Variants in ANK3 observed in about 807,000 individuals in gnomAD.
ANK3 encodes the protein ankyrin 3.
In ANK3, 57 loss-of-function variants were observed where a neutral mutation model predicts 370.9. That is an observed-to-expected ratio of 0.15 (90% CI 0.12 to 0.19). The LOEUF (loss-of-function observed/expected upper bound fraction) is 0.19, where lower values mean the gene tolerates loss of function less well. ANK3 is among the 10% of genes least tolerant of loss of function. The pLI is 1.00. For missense variants in ANK3, 4,439 were observed against 5,302.1 expected (o/e 0.84, Z 5.06); for synonymous variants, 1,929 against 1,946.3 (o/e 0.99, Z 0.23).
intron 17 of ANK3, among the ~76,000 whole-genome samples, chr10:60,184,406 G>C (rs1372321086): frequency 6.6e-6 from 1 of 152,182 alleles, no homozygotes; most frequent in African/African-American, 2.4e-5. Flanking sequence ...ACGGAGAAAG[G>C]ATGCAAGGAT....
intron 23 of ANK3, chr10:60,144,135 T>A: frequency 2.5e-6 from 1 of 399,768 alleles, no homozygotes; most frequent in Non-Finnish European, 4.9e-6. Context: ...AAGACTCAGC[T>A]GAGCCCCGAT....
chr10:60,456,941 T>C (rs2064763255), intron 2 of ANK3, among the ~76,000 whole-genome samples: 1 of 152,170 alleles, frequency 6.6e-6, no homozygotes. Context: ...GCCTGGGCCA[T>C]GTGCTTAGTT....
In ANK3 at chr10:60,108,868, C is replaced by T. The variant is rs996775170; in HGVS notation, c.3135G>A (p.Arg1045=). The T allele has an allele frequency of 1.2e-6, 2 of 1,614,002 alleles. No homozygotes were observed. Among genetic ancestry groups the T allele is most frequent in the African/African-American group, 1.3e-5 (1 of 74,926 alleles). The change falls in exon 27 of 44, where the codon AGG becomes AGA. Residue 1045 remains arginine, a synonymous_variant. Transcript: ENST00000280772. ...PMVEGEGLAS[R]LVEMGPAGAQ... ...CCCCTGCAGGACCCATTTCTACCAG[C>T]CTACTGGCTAATCCCTCTCCTTCCA... is the stretch of plus-strand genomic sequence containing the variant.
chr10:60,695,620 T>C (rs1042191403), intron 1 of ANK3, among the ~76,000 whole-genome samples: 104 of 152,260 alleles, frequency 6.8e-4, no homozygotes, highest in African/African-American at 2.4e-3. Context: ...CTCAACTACA[T>C]GGAAACTGAA....
chr10:60,694,980 A>G (rs1295767105), intron 1 of ANK3, among the ~76,000 whole-genome samples: 1 of 148,194 alleles, frequency 6.7e-6, no homozygotes, highest in Non-Finnish European at 1.5e-5. Context: ...AAGACCCATC[A>G]GTGTGCTGTA....
At position 60,467,003 on chromosome 10, in the gene ANK3, C is replaced by T. The variant is rs115506586; in HGVS notation, c.96+148183G>A. ...AAGCTCTGGAATTAGATAGTAGTGA[C>T]GGTGACACAACTCTGTAAACATACT... On this transcript the variant is annotated intron_variant, in intron 2 of 43. Coordinates refer to the ANK3 transcript ENST00000373827. 5.0e-3 allele frequency among the ~76,000 whole-genome samples: 765 copies of T among 152,098 alleles called. 11 individuals are homozygous for T. Among genetic ancestry groups the T allele is most frequent in the African/African-American group, 0.017 (699 of 41,502 alleles).
At chr10:60,641,036 T>A (rs1383396466) in intron 1 of ANK3, among the ~76,000 whole-genome samples, 1 of 149,946 alleles carries the variant, frequency 6.7e-6, no homozygotes, top group Non-Finnish European at 1.5e-5. Flanking sequence ...CACAATTGCT[T>A]CAAAGAGAAT....
At chr10:60,114,998 TTGG>T (rs1316274535) in intron 25 of ANK3, among the ~76,000 whole-genome samples, 1 of 152,108 alleles carries the variant, frequency 6.6e-6, no homozygotes, top group African/African-American at 2.4e-5. Flanking sequence ...CAGGAGAGTT[TTGG>T]TGGAGATTTG....
At chr10:60,249,869 C>T (rs187382002) in intron 7 of ANK3, among the ~76,000 whole-genome samples, 5 of 152,298 alleles carry the variant, frequency 3.3e-5, no homozygotes, top group Admixed American at 2.0e-4. Context: ...CCACAGGTCA[C>T]GCACTGAGGC....
At chr10:60,044,161 G>A (rs1045085429) in intron 42 of ANK3, 2 of 985,542 alleles carry the variant, frequency 2.0e-6, no homozygotes, top group African/African-American at 1.7e-5. Flanking sequence ...GAAAAGTAGA[G>A]ATTTTTCTGT....
At chr10:60,197,573 AG>A (rs1265905843) in intron 14 of ANK3, among the ~76,000 whole-genome samples, 1 of 152,238 alleles carries the variant, frequency 6.6e-6, no homozygotes, top group African/African-American at 2.4e-5. Context: ...AAGAGCCCAA[AG>A]AATCACAAGA....
At chr10:60,522,993 C>T (rs1262137007) in intron 2 of ANK3, among the ~76,000 whole-genome samples, 1 of 151,966 alleles carries the variant, frequency 6.6e-6, no homozygotes, top group Non-Finnish European at 1.5e-5. Flanking sequence ...TATCAGTTTT[C>T]TATAGCCTAT....
At chr10:60,483,711 C>A (rs1186986169) in intron 2 of ANK3, among the ~76,000 whole-genome samples, 2 of 152,070 alleles carry the variant, frequency 1.3e-5, no homozygotes, top group African/African-American at 4.8e-5. Flanking sequence ...GTTTTCTCGA[C>A]CTCCCCCTCC....
At chr10:60,168,460 C>T (rs958665003) in intron 21 of ANK3, among the ~76,000 whole-genome samples, 5 of 152,086 alleles carry the variant, frequency 3.3e-5, no homozygotes, top group African/African-American at 1.2e-4. Context: ...TTCAGGATCC[C>T]ATCGAGGATA....
At chr10:60,667,958 G>A (rs1269352523) in intron 1 of ANK3, among the ~76,000 whole-genome samples, 1 of 150,574 alleles carries the variant, frequency 6.6e-6, no homozygotes, top group African/African-American at 2.5e-5. Flanking sequence ...CAGATTGCTG[G>A]GAACCATCCC....
intron 1 of ANK3, among the ~76,000 whole-genome samples, chr10:60,650,192 C>G (rs889176340): frequency 6.6e-6 from 1 of 152,190 alleles, no homozygotes; most frequent in African/African-American, 2.4e-5. Context: ...GATCAACAAA[C>G]AGTGGCAAGG....
At chr10:60,603,266 G>T (rs754099419) in intron 2 of ANK3, among the ~76,000 whole-genome samples, 3 of 152,126 alleles carry the variant, frequency 2.0e-5, no homozygotes, top group Non-Finnish European at 4.4e-5. Flanking sequence ...CCCCAGCAGT[G>T]ACAGGGCCCT....
intron 23 of ANK3, chr10:60,141,051 T>C: frequency 1.0e-6 from 1 of 983,972 alleles, no homozygotes; most frequent in Non-Finnish European, 1.2e-6. Flanking sequence ...TTATGGTCCC[T>C]GTCAGGTGGA....
chr10:60,040,047 T>C (rs1314044739), intron 43 of ANK3, among the ~76,000 whole-genome samples: 1 of 152,134 alleles, frequency 6.6e-6, no homozygotes, highest in Non-Finnish European at 1.5e-5. Flanking sequence ...GTTGGAAGGA[T>C]TAAATAAGAC....
Sources: gnomAD v4.1 joint callset for allele counts (sites outside exome capture counted in the v4.1 genomes callset) on GRCh38, gnomAD v4.1.1 for gene constraint, MANE v1.5 for transcripts, NCBI Gene and HGNC (gene_info 2026-07-23, HGNC 2026-07-21) for gene names.